Variants in TNRC6B observed in about 807,000 individuals in gnomAD.
The protein encoded by TNRC6B is trinucleotide repeat-containing gene 6B protein.
TNRC6B carries 52 observed loss-of-function variants against 203.6 expected under a neutral mutation model. The ratio of observed to expected loss-of-function variants is 0.26; its 90% CI spans 0.20 to 0.32. The LOEUF (loss-of-function observed/expected upper bound fraction) is 0.32. Ranked by LOEUF, TNRC6B falls within the 10% of genes least tolerant of loss-of-function variation. TNRC6B has a pLI of 1.00. For missense variants in TNRC6B, 1,923 were observed against 2,286.2 expected (o/e 0.84, Z 3.24); for synonymous variants, 838 against 845.7 (o/e 0.99, Z 0.16).
At position 40,047,962 on chromosome 22, in the gene TNRC6B, T is replaced by A. The variant is rs149195605; in HGVS notation, c.-121+2964T>A. Among the ~76,000 whole-genome samples the A allele has an allele frequency of 4.6e-5, 7 of 152,136 alleles. No homozygotes were observed. In the East Asian group the frequency reaches 1.4e-3, roughly 30 times the overall value. ...TCATTTTAGTCGTTGAATTGTGCAG[T>A]TTTAGTTTAACAGGACAATAAGAAA... On this transcript the variant is annotated intron_variant, in intron 1 of 23. Coordinates refer to the TNRC6B transcript ENST00000301923.
At chr22:40,213,441 G>A (rs999092547) in intron 1 of TNRC6B, among the ~76,000 whole-genome samples, 1 of 152,178 alleles carries the variant, frequency 6.6e-6, no homozygotes, top group Non-Finnish European at 1.5e-5. Flanking sequence ...AACAAGTGGG[G>A]TCAGGCCCTG....
intron 16 of TNRC6B, among the ~76,000 whole-genome samples, 177 bp downstream of exon 16, chr22:40,308,826 A>C (rs896260258): frequency 1.3e-5 from 2 of 152,256 alleles, no homozygotes; most frequent in Non-Finnish European, 2.9e-5. Flanking sequence ...ATAAAGTACT[A>C]GTTCTAATTA....
intron 7 of TNRC6B, among the ~76,000 whole-genome samples, chr22:40,274,447 G>GTC (rs894502490): frequency 2.0e-5 from 3 of 148,158 alleles, no homozygotes; most frequent in Non-Finnish European, 4.4e-5. Context: ...TTGAGACGGA[G>GTC]TCTTGCTCTG....
At chr22:40,235,318 G>A (rs1016262752) in intron 1 of TNRC6B, among the ~76,000 whole-genome samples, 9 of 152,088 alleles carry the variant, frequency 5.9e-5, no homozygotes, top group African/African-American at 2.2e-4. Context: ...TACTTGAGAG[G>A]CTGAGGGTCA....
chr22:40,100,119 C>A (rs1024588334), intron 1 of TNRC6B, among the ~76,000 whole-genome samples: 1 of 150,758 alleles, frequency 6.6e-6, no homozygotes, highest in Non-Finnish European at 1.5e-5. Context: ...GAGACAGGGT[C>A]TCTCTTGCCC....
intron 3 of TNRC6B, among the ~76,000 whole-genome samples, chr22:40,252,506 T>A (rs1476916770): frequency 6.6e-6 from 1 of 152,220 alleles, no homozygotes; most frequent in East Asian, 1.9e-4. Context: ...CAGTGCTAAT[T>A]TCTTAGGAAA....
At chr22:40,295,605 T>A (rs2070928773) in intron 12 of TNRC6B, among the ~76,000 whole-genome samples, 1 of 151,964 alleles carries the variant, frequency 6.6e-6, no homozygotes, top group Non-Finnish European at 1.5e-5. Context: ...AATGATGAAA[T>A]GAGAAGATGC....
chr22:40,307,966 C>T (rs1187819667), intron 15 of TNRC6B, among the ~76,000 whole-genome samples: 1 of 152,202 alleles, frequency 6.6e-6, no homozygotes, highest in Non-Finnish European at 1.5e-5. Context: ...CGCCTCACTT[C>T]ATCCCAGAGT....
chr22:40,273,560 A>G lies in TNRC6B; in HGVS notation c.3101A>G (p.Asn1034Ser). The G allele has an allele frequency of 6.3e-7, 1 of 1,589,858 alleles. No individual in the cohort carries two copies. Among genetic ancestry groups the G allele is most frequent in the Non-Finnish European group, 8.6e-7 (1 of 1,167,918 alleles). Residue 1034 changes from asparagine to serine, a missense_variant, in exon 7 of 23, where the codon AAC (asparagine) becomes AGC (serine). Physicochemically the swap from Asn to Ser is conservative, Grantham distance 46. Around this residue, in one of 8 missense-constraint regions of TNRC6B, gnomAD observed 599 missense variants for 656.5 expected, o/e 0.91. Coordinates refer to ENST00000454349, the MANE Select transcript of TNRC6B (RefSeq NM_001162501.2). ...TGSQGSASSH[N>S]SASWGQGGKK... Reference sequence around the variant, plus strand: ...TCTCAGGGCAGTGCTTCCTCCCACAACTCAGCAAGCTGGGGACAAGGAGGA... The same window carrying G: ...TCTCAGGGCAGTGCTTCCTCCCACAGCTCAGCAAGCTGGGGACAAGGAGGA...
chr22:40,280,164 A>C (rs955013871), intron 10 of TNRC6B, 21 bp downstream of exon 10: 2 of 1,605,262 alleles, frequency 1.2e-6, no homozygotes, highest in Middle Eastern at 1.7e-4. Context: ...TCCTTTGTTT[A>C]AGATAATAAT....
At chr22:40,092,495 G>GT (rs1019086531) in intron 1 of TNRC6B, among the ~76,000 whole-genome samples, 9 of 151,212 alleles carry the variant, frequency 6.0e-5, no homozygotes, top group African/African-American at 1.5e-4. Context: ...AGGAAATTGT[G>GT]TTTTTTTATG....
chr22:40,068,413 G>A (rs1201809252), intron 1 of TNRC6B, among the ~76,000 whole-genome samples: 3 of 152,076 alleles, frequency 2.0e-5, no homozygotes, highest in African/African-American at 7.3e-5. Flanking sequence ...CGCCTCCTGG[G>A]TTCAGGTGAT....
At chr22:40,138,928 T>C (rs2068622715) in intron 3 of TNRC6B, among the ~76,000 whole-genome samples, 1 of 152,226 alleles carries the variant, frequency 6.6e-6, no homozygotes, top group Non-Finnish European at 1.5e-5. Context: ...CTTTTCCTTT[T>C]CAGCAGCTTT....
chr22:40,317,890 A>G (rs1274577518), intron 21 of TNRC6B, among the ~76,000 whole-genome samples: 2 of 152,236 alleles, frequency 1.3e-5, no homozygotes, highest in African/African-American at 4.8e-5. Context: ...TACAAAATGC[A>G]TTCTCTGGCA....
intron 12 of TNRC6B, 96 bp downstream of exon 12, chr22:40,285,866 G>C: frequency 6.9e-7 from 1 of 1,452,612 alleles, no homozygotes; most frequent in Non-Finnish European, 9.3e-7. Flanking sequence ...AAGAATGATA[G>C]TAAGTAGCAT....
chr22:40,100,052 C>T (rs1423071822), intron 1 of TNRC6B, among the ~76,000 whole-genome samples: 4 of 146,054 alleles, frequency 2.7e-5, no homozygotes, highest in Non-Finnish European at 3.0e-5. Context: ...CGCCTGGCCC[C>T]TCCATTTTAT....
intron 12 of TNRC6B, among the ~76,000 whole-genome samples, chr22:40,299,240 C>CTTT (rs1254026942): frequency 7.4e-6 from 1 of 134,948 alleles, no homozygotes; most frequent in Admixed American, 7.4e-5. Context: ...GAACTAAAGT[C>CTTT]TTTTTTTTTT....
At chr22:40,246,140 A>G (rs757779083) in intron 2 of TNRC6B, 38 bp downstream of exon 2, 3 of 1,444,720 alleles carry the variant, frequency 2.1e-6, no homozygotes, top group Non-Finnish European at 2.8e-6. Flanking sequence ...TTTATCTGCT[A>G]GGCATCCAGC....
At chr22:40,246,248 GGC>G in intron 2 of TNRC6B, 146 bp downstream of exon 2, 2 of 543,968 alleles carry the variant, frequency 3.7e-6, no homozygotes, top group Non-Finnish European at 6.2e-6. Flanking sequence ...GGAGTGCAGT[GGC>G]GTGATCTTGG....
Sources: allele counts gnomAD v4.1 joint callset (sites outside exome capture counted in the v4.1 genomes callset), GRCh38; gene constraint gnomAD v4.1.1; regional missense constraint gnomAD v4.1.1; transcripts MANE v1.5; gene names NCBI Gene and HGNC (gene_info 2026-07-23, HGNC 2026-07-21).